Variants in GPR157 observed in about 807,000 individuals in gnomAD.
The protein encoded by GPR157 is G-protein coupled receptor 157.
A neutral mutation model predicts 23.5 loss-of-function variants in GPR157; 16 were observed. The ratio of observed to expected loss-of-function variants is 0.68; its 90% confidence interval spans 0.46 to 1.04. GPR157 has a LOEUF of 1.04. Ranked by LOEUF, GPR157 falls within the 50% of genes least tolerant of loss-of-function variation. GPR157 has a pLI of 0.00. For missense variants in GPR157, 440 were observed against 460.7 expected (o/e 0.96, Z 0.41); for synonymous variants, 200 against 221.5 (o/e 0.90, Z 0.86).
chr1:9,107,187 C>A (rs7549256), intron 2 of GPR157, among the ~76,000 whole-genome samples: 104,298 of 151,918 alleles, frequency 0.69, 35,953 homozygotes, highest in African/African-American at 0.74. Flanking sequence ...GCTGTACCCC[C>A]AGCCCACCCA....
At chr1:9,123,589 A>T (rs1244107376) in intron 1 of GPR157, among the ~76,000 whole-genome samples, 21 of 106,212 alleles carry the variant, frequency 2.0e-4, no homozygotes, top group Admixed American at 8.4e-4. Flanking sequence ...TATATTTAAT[A>T]TTAATGTATA....
rs1397196747 is a variant in GPR157, at chr1:9,105,640, T to C, written c.638A>G (p.Glu213Gly). Residue 213 changes from glutamate to glycine, a missense_variant, in exon 3 of 4, where the codon GAG (glutamate) becomes GGG (glycine). Transcript: ENST00000377411. This position sits in a 1 kb window ranked among gnomAD's most constrained non-coding sequence, Gnocchi z 4.8. ...GGAGGAGTGGCGCAGCAGGCGGTGC[T>C]CCTGGGAGAGGATGGGCCGGTACTC... is the stretch of plus-strand genomic sequence containing the variant. The part of the protein sequence containing the change: ...LSEYRPILSQ[E>G]HRLLRHSSMA... 1.2e-6 allele frequency: 2 copies of C among 1,612,884 alleles called. No individual in the cohort carries two copies. Among genetic ancestry groups the C allele is most frequent in the South Asian group, 2.2e-5 (2 of 90,584 alleles).
intron 2 of GPR157, among the ~76,000 whole-genome samples, chr1:9,108,139 G>T (rs1382894255): frequency 6.6e-6 from 1 of 152,126 alleles, no homozygotes; most frequent in African/African-American, 2.4e-5. Flanking sequence ...GATGCTGACG[G>T]CCCAGGGGAG....
chr1:9,101,883 C>G lies in GPR157; in HGVS notation c.*2536G>C, dbSNP rs1642570951. On this transcript the variant is annotated 3_prime_UTR_variant, in exon 4 of 4. Transcript: ENST00000377411. Reference sequence around the variant, plus strand: ...GGCCTATATTGTCTTTTCTCTTTTACCTGTTAATCATGTTCTCTTTTGCAG... The same window carrying G: ...GGCCTATATTGTCTTTTCTCTTTTAGCTGTTAATCATGTTCTCTTTTGCAG... 1 of 152,170 alleles carries G rather than the reference C, an allele frequency of 6.6e-6. No homozygotes were observed. Among genetic ancestry groups the G allele is most frequent in the Non-Finnish European group, 1.5e-5 (1 of 68,034 alleles). 9.4% of individuals were successfully genotyped at this position (152,170 alleles called of 1,614,324 possible).
At chr1:9,107,414 G>A (rs1043923899) in intron 2 of GPR157, among the ~76,000 whole-genome samples, 1 of 152,118 alleles carries the variant, frequency 6.6e-6, no homozygotes, top group African/African-American at 2.4e-5. Context: ...CAAGGCAGGA[G>A]GATCGCTTGA....
chr1:9,127,792 C>G (rs1303166072), intron 1 of GPR157, among the ~76,000 whole-genome samples: 1 of 152,202 alleles, frequency 6.6e-6, no homozygotes, highest in African/African-American at 2.4e-5. Context: ...ATCTGATGCT[C>G]TGATCTGGGA....
chr1:9,124,753 A>G (rs4908811), intron 1 of GPR157, among the ~76,000 whole-genome samples: 91,508 of 151,998 alleles, frequency 0.6, 27,889 homozygotes, highest in East Asian at 0.77. Context: ...CTTGCTAATC[A>G]TAGGTTATGG....
At chr1:9,114,696 G>A (rs1385537821) in intron 1 of GPR157, among the ~76,000 whole-genome samples, 1 of 152,188 alleles carries the variant, frequency 6.6e-6, no homozygotes, top group Non-Finnish European at 1.5e-5. Flanking sequence ...GTGATACTGA[G>A]TTTGTGCTGG....
At chr1:9,106,814 A>C (rs1638349050) in intron 2 of GPR157, among the ~76,000 whole-genome samples, 1 of 152,120 alleles carries the variant, frequency 6.6e-6, no homozygotes, top group Non-Finnish European at 1.5e-5. Context: ...AAATACAAAA[A>C]TTAGCTGGTT....
At position 9,103,114 on chromosome 1, in the gene GPR157, A is replaced by AAC. The variant is rs974790958; in HGVS notation, c.*1304_*1305insGT. 9.2e-5 allele frequency: 14 copies of AAC among 151,424 alleles called. No homozygotes were observed. Among genetic ancestry groups the AAC allele is most frequent in the Non-Finnish European group, 1.9e-4 (13 of 67,788 alleles). The allele number at this position is 151,424 out of a possible 1,614,324, so 9.4% of individuals were successfully genotyped here. Reference sequence around the variant, plus strand: ...ATGAGGCTCCTTTTTTAAAAAAAAAAAAAAAAAAAAACTGACTCTGAAGCT... The same window carrying AAC: ...ATGAGGCTCCTTTTTTAAAAAAAAAAACAAAAAAAAAAACTGACTCTGAAGCT... On this transcript the variant is annotated 3_prime_UTR_variant, in exon 4 of 4. Coordinates refer to ENST00000377411, the MANE Select transcript of GPR157 (RefSeq NM_024980.5).
In GPR157 at chr1:9,112,050, G is replaced by C. The variant is rs183537650; in HGVS notation, c.384-561C>G. 3.3e-5 allele frequency among the ~76,000 whole-genome samples: 5 copies of C among 152,328 alleles called. No homozygotes were observed. The East Asian group carries it at 9.6e-4, about 29-fold the overall frequency. On this transcript the variant is annotated intron_variant, in intron 1 of 3. Transcript: ENST00000377411. ...GCAGGTGTGTGTTTGCTGCTGTCGT[G>C]ACTGTTGTGAGTCACGTCCTGCTGT... is the stretch of plus-strand genomic sequence containing the variant.
intron 1 of GPR157, among the ~76,000 whole-genome samples, chr1:9,123,367 T>TATA (rs1638864807): frequency 1.3e-4 from 4 of 29,692 alleles, no homozygotes; most frequent in African/African-American, 4.3e-4. Flanking sequence ...AAATATATAT[T>TATA]TAAATTAAAT....
chr1:9,123,491 A>ATCTAATT lies in GPR157; in HGVS notation c.383+5153_383+5154insAATTAGA, dbSNP rs1242498791. Among the ~76,000 whole-genome samples, 4 of 87,440 alleles carry ATCTAATT rather than the reference A, an allele frequency of 4.6e-5. No individual in the cohort carries two copies. In the East Asian group the frequency reaches 9.1e-4, roughly 20 times the overall value. The allele number at this position is 87,440 out of a possible 152,430, so 57.4% of individuals were successfully genotyped here. A position where few individuals can be genotyped will look rare whatever the true frequency, so the allele number is the denominator to read the frequency against. ...ATTTAAATATATATTTTAAAAATATATAAATTATATATTCAAAATATATAT... is the reference window on the plus strand; with the variant it reads ...ATTTAAATATATATTTTAAAAATATATCTAATTTAAATTATATATTCAAAATATATAT... On this transcript the variant is annotated intron_variant, in intron 1 of 3. Coordinates refer to ENST00000377411, the MANE Select transcript of GPR157 (RefSeq NM_024980.5).
rs151260225 is a variant in GPR157, at chr1:9,105,507, C to T, written c.771G>A (p.Thr257=). 1.3e-3 allele frequency: 2,077 copies of T among 1,576,764 alleles called. 3 individuals carry two copies. The highest frequency in any genetic ancestry group is 1.3e-3 in the Non-Finnish European group (1,545 of 1,161,216). ...LTLCGSPAVQ[T]PVLVVLHGIG... is the part of the protein sequence containing the mutation. ...CTACATGCAGAACCACCAGCACCGG[C>T]GTCTGCACGGCCGGGGAGCCACAGA... The change falls in exon 3 of 4, where the codon ACG becomes ACA. Residue 257 remains threonine (T), a synonymous_variant. Transcript: ENST00000377411. This position sits in a 1 kb window ranked among gnomAD's most constrained non-coding sequence, Gnocchi z 4.8.
chr1:9,111,512 G>A, intron 1 of GPR157, 23 bp from the exon 2 acceptor site: 1 of 1,601,742 alleles, frequency 6.2e-7, no homozygotes, highest in Non-Finnish European at 8.6e-7. Flanking sequence ...GAGAGAAAGA[G>A]GCATCGGGGT....
At position 9,128,030 on chromosome 1, in the gene GPR157, C is replaced by T. The variant is rs1295063016; in HGVS notation, c.383+615G>A. On this transcript the variant is annotated intron_variant, in intron 1 of 3. Transcript: ENST00000377411. This position sits in a 1 kb window ranked among gnomAD's most constrained non-coding sequence, Gnocchi z 6.3. Reference sequence around the variant, plus strand: ...CCCAGACCAGCCCTCCGCCCCTGCCCTCAATCTCAGAATTGCTGAACTCTG... The same window carrying T: ...CCCAGACCAGCCCTCCGCCCCTGCCTTCAATCTCAGAATTGCTGAACTCTG... 3.9e-5 allele frequency among the ~76,000 whole-genome samples: 6 copies of T among 152,170 alleles called. No individual in the cohort carries two copies. The highest frequency in any genetic ancestry group is 7.3e-5 in the Non-Finnish European group (5 of 68,028).
At chr1:9,125,231 T>C (rs1638940303) in intron 1 of GPR157, among the ~76,000 whole-genome samples, 1 of 152,126 alleles carries the variant, frequency 6.6e-6, no homozygotes, top group South Asian at 2.1e-4. Flanking sequence ...TTTTCTTTTT[T>C]TTTGAGACAG....
Position 9,120,189 on chromosome 1 carries a change from G to A in GPR157, c.383+8456C>T, listed in dbSNP as rs1359863768. ...GATGCCATCCCTGCTGCCAGGAAGGGGTCAGAGGTTAGACTGAAGGGGGCT... is the reference window on the plus strand; with the variant it reads ...GATGCCATCCCTGCTGCCAGGAAGGAGTCAGAGGTTAGACTGAAGGGGGCT... On this transcript the variant is annotated intron_variant, in intron 1 of 3. Coordinates refer to ENST00000377411, the MANE Select transcript of GPR157 (RefSeq NM_024980.5). The surrounding 1 kb of genome is among the most constrained non-coding windows in gnomAD (Gnocchi z 4.1). Among the ~76,000 whole-genome samples, 1 of 152,122 alleles carries A rather than the reference G, an allele frequency of 6.6e-6. No individual in the cohort carries two copies. Among genetic ancestry groups the A allele is most frequent in the African/African-American group, 2.4e-5 (1 of 41,418 alleles).
intron 1 of GPR157, among the ~76,000 whole-genome samples, chr1:9,123,390 T>A (rs866139036): frequency 0.24 from 9,406 of 38,530 alleles, 648 homozygotes; most frequent in African/African-American, 0.38. Flanking sequence ...ATATATTTAA[T>A]TTAAATATAT....
Sources: gnomAD v4.1 joint callset for allele counts (sites outside exome capture counted in the v4.1 genomes callset) on GRCh38, gnomAD v4.1.1 for gene constraint, Gnocchi (gnomAD v3.1) non-coding constraint, MANE v1.5 for transcripts, NCBI Gene and HGNC (gene_info 2026-07-23, HGNC 2026-07-21) for gene names.